The following KCNMA1 variants were observed in gnomAD, a reference collection of about 807,000 sequenced individuals.
KCNMA1 encodes potassium calcium-activated channel subfamily M alpha 1.
In KCNMA1, 29 loss-of-function variants were observed where a neutral mutation model predicts 140.0. The observed-to-expected ratio is 0.21, with a 90% confidence interval of 0.15 to 0.28. The LOEUF is 0.28. Among genes scored for constraint, KCNMA1 ranks in the 10% least tolerant of loss-of-function variants. The probability of loss-of-function intolerance (pLI) is 1.00; values close to 1 mark genes in which losing one functional copy is unlikely to be tolerated. For synonymous variants in KCNMA1, 612 were observed against 611.9 expected, an observed-to-expected ratio of 1.00 and a Z score of 0.00; for missense variants, 880 against 1,602.2, an observed-to-expected ratio of 0.55 and a Z score of 7.70.
chr10:77,586,063 T>C (rs1360389968), intron 1 of KCNMA1, among the ~76,000 whole-genome samples: 1 of 152,220 alleles, frequency 6.6e-6, no homozygotes, highest in East Asian at 1.9e-4. Flanking sequence ...TTTATCAACA[T>C]GCATTTTCTG....
intron 3 of KCNMA1, among the ~76,000 whole-genome samples, chr10:77,194,410 C>T (rs895997841): frequency 2.6e-5 from 4 of 152,148 alleles, no homozygotes; most frequent in African/African-American, 9.7e-5. Flanking sequence ...TCTCACCAGT[C>T]CCCTATTTAA....
intron 5 of KCNMA1, among the ~76,000 whole-genome samples, chr10:77,131,499 T>C (rs894709013): frequency 6.6e-6 from 1 of 151,946 alleles, no homozygotes; most frequent in Non-Finnish European, 1.5e-5. Context: ...TATAACCCAG[T>C]TATATGAAGT....
At position 77,112,369 on chromosome 10, in the gene KCNMA1, A is replaced by G. The variant is rs375547357; in HGVS notation, c.958T>C (p.Leu320=). Residue 320 remains leucine (L), a splice_region_variant and synonymous_variant, in exon 7 of 28, where the codon TTG becomes CTG. Transcript: ENST00000286628. ...GAAGGGTCTTCAAGGTTACTCACCA[A>G]ATGGATGAACCCGGCTGCAGTCAGC... ...TWLTAAGFIH[L]VENSGDPWEN... The G allele has an allele frequency of 6.2e-7, 1 of 1,612,646 alleles. No individual in the cohort carries two copies. The highest frequency in any genetic ancestry group is 1.3e-5 in the African/African-American group (1 of 74,894).
chr10:77,108,698 G>T lies in KCNMA1; in HGVS notation c.1132-126C>A. On this transcript the variant is annotated intron_variant, in intron 8 of 27. Transcript: ENST00000286628. This position sits in a 1 kb window ranked among gnomAD's most constrained non-coding sequence, Gnocchi z 4.6. ...GATTAGGCCTGCAAAGGTATATATT[G>T]ATATGTTGGATCATAAAAAACTAAA... 1.4e-6 allele frequency: 1 copy of T among 714,140 alleles called. No individual in the cohort carries two copies. Among genetic ancestry groups the T allele is most frequent in the Non-Finnish European group, 2.5e-6 (1 of 407,266 alleles). The allele number at this position is 714,140 out of a possible 1,614,324, so 44.2% of individuals were successfully genotyped here.
intron 2 of KCNMA1, among the ~76,000 whole-genome samples, chr10:77,340,322 G>A (rs1333479717): frequency 2.0e-5 from 3 of 152,128 alleles, no homozygotes; most frequent in Non-Finnish European, 2.9e-5. Context: ...CAAGCATCTA[G>A]AACTAGAAAT....
chr10:77,507,478 C>G (rs897340909), intron 1 of KCNMA1, among the ~76,000 whole-genome samples: 1 of 152,232 alleles, frequency 6.6e-6, no homozygotes, highest in African/African-American at 2.4e-5. Context: ...AATCTCTGGA[C>G]TAGAACCAGA....
At chr10:77,419,390 C>A (rs932082447) in intron 1 of KCNMA1, among the ~76,000 whole-genome samples, 1 of 152,040 alleles carries the variant, frequency 6.6e-6, no homozygotes, top group Non-Finnish European at 1.5e-5. Context: ...GGAGCAGATC[C>A]GGAAGAAAGG....
exon 28 of KCNMA1, chr10:76,870,660 A>C: frequency 6.6e-6 from 1 of 152,304 alleles, no homozygotes; most frequent in Non-Finnish European, 1.5e-5. Flanking sequence ...AGTGACATGC[A>C]CAGGAAGGTG....
chr10:76,973,419 G>C (rs1336018702), intron 19 of KCNMA1, among the ~76,000 whole-genome samples: 3 of 152,194 alleles, frequency 2.0e-5, no homozygotes, highest in Non-Finnish European at 2.9e-5. Context: ...TACAGTTTGG[G>C]AAGACTCAGT....
chr10:77,068,416 A>G (rs1318976867), intron 14 of KCNMA1, among the ~76,000 whole-genome samples: 2 of 152,196 alleles, frequency 1.3e-5, no homozygotes, highest in African/African-American at 4.8e-5. Flanking sequence ...GGTTAGTGCT[A>G]GGACAAAAAC....
intron 3 of KCNMA1, among the ~76,000 whole-genome samples, chr10:77,210,024 A>G (rs574786142): frequency 2.6e-5 from 4 of 152,280 alleles, no homozygotes; most frequent in African/African-American, 9.6e-5. Context: ...AACTATGCCA[A>G]AACACTGAGG....
chr10:77,083,890 G>A (rs2096639063), intron 12 of KCNMA1, among the ~76,000 whole-genome samples: 1 of 151,968 alleles, frequency 6.6e-6, no homozygotes. Context: ...GAGGCTTATA[G>A]TCAAATAGGT....
chr10:77,082,009 T>TTTTTTTTTTTTTTTTTTG, intron 12 of KCNMA1, among the ~76,000 whole-genome samples: 1 of 35,954 alleles, frequency 2.8e-5, no homozygotes, highest in Non-Finnish European at 5.8e-5. Context: ...TTTCTTTTCT[T>TTTTTTTTTTTTTTTTTTG]TTTTTTTTTT....
intron 1 of KCNMA1, among the ~76,000 whole-genome samples, chr10:77,566,378 G>A (rs2068326887): frequency 6.6e-6 from 1 of 152,230 alleles, no homozygotes; most frequent in African/African-American, 2.4e-5. Flanking sequence ...GAATGCTGTG[G>A]AAAGCATCTG....
At chr10:76,891,421 GGAGAAAAGCCA>G in intron 26 of KCNMA1, 93 bp downstream of exon 26, 1 of 833,690 alleles carries the variant, frequency 1.2e-6, no homozygotes, top group Non-Finnish European at 2.0e-6. Flanking sequence ...ACAATAGGAA[GGAGAAAAGCCA>G]GATGCCTAGC....
chr10:77,431,615 G>C (rs1052770248), intron 1 of KCNMA1, among the ~76,000 whole-genome samples: 3 of 143,306 alleles, frequency 2.1e-5, no homozygotes, highest in African/African-American at 7.7e-5. Context: ...CCCTAGGGCA[G>C]CTGCAACACA....
At chr10:77,006,460 T>C (rs547789926) in intron 18 of KCNMA1, among the ~76,000 whole-genome samples, 192 of 152,268 alleles carry the variant, frequency 1.3e-3, no homozygotes, top group Non-Finnish European at 2.3e-3. Context: ...GAAGAAAAAG[T>C]CCACCAGGAT....
chr10:77,612,171 G>A lies in KCNMA1; in HGVS notation c.378+25094C>T, dbSNP rs2087180425. 2.0e-5 allele frequency among the ~76,000 whole-genome samples: 3 copies of A among 152,264 alleles called. No individual in the cohort carries two copies. The South Asian group carries it at 6.2e-4, about 32-fold the overall frequency. On this transcript the variant is annotated intron_variant, in intron 1 of 27. Transcript: ENST00000286628. ...GAGCCCAGCACCAGACCTTGCTCCT[G>A]CAAATCCCAAAGATAATGTGCACAT...
Position 77,240,127 on chromosome 10 carries a change from C to T in KCNMA1, c.602+11068G>A, listed in dbSNP as rs1304981491. 2.0e-5 allele frequency among the ~76,000 whole-genome samples: 3 copies of T among 152,270 alleles called. No individual in the cohort carries two copies. The East Asian group carries it at 5.8e-4, about 29-fold the overall frequency. On this transcript the variant is annotated intron_variant, in intron 3 of 27. Transcript: ENST00000286628. The stretch of plus-strand genomic sequence containing the variant: ...AAAAAGAATCTGACAATTTAAGGGG[C>T]ATATGTTCACTTCCATTTATGTCCT...
Sources: gnomAD v4.1 joint callset for allele counts (sites outside exome capture counted in the v4.1 genomes callset) on GRCh38, gnomAD v4.1.1 for gene constraint, Gnocchi (gnomAD v3.1) non-coding constraint, MANE v1.5 for transcripts, NCBI Gene and HGNC (gene_info 2026-07-23, HGNC 2026-07-21) for gene names.